Variants in COL4A1 observed in about 807,000 individuals in gnomAD.
The protein encoded by COL4A1 is collagen type IV alpha 1 chain.
A neutral mutation model predicts 216.6 loss-of-function variants in COL4A1; 40 were observed. The ratio of observed to expected loss-of-function variants is 0.18; its 90% confidence interval spans 0.14 to 0.24. The LOEUF (loss-of-function observed/expected upper bound fraction) is 0.24. COL4A1 is among the 10% of genes least tolerant of loss of function. The probability of loss-of-function intolerance (pLI) is 1.00; values close to 1 mark genes in which losing one functional copy is unlikely to be tolerated. For synonymous variants in COL4A1, 839 were observed against 810.7 expected, an observed-to-expected ratio of 1.03 and a Z score of -0.59; for missense variants, 1,628 against 2,196.8, an observed-to-expected ratio of 0.74 and a Z score of 5.18.
chr13:110,241,097 T>C (rs1169376454), intron 2 of COL4A1, among the ~76,000 whole-genome samples: 1 of 152,204 alleles, frequency 6.6e-6, no homozygotes, highest in East Asian at 1.9e-4. Flanking sequence ...CTCAAACTCC[T>C]GACTTCCAGT....
At chr13:110,234,680 T>C (rs1566399857) in intron 2 of COL4A1, among the ~76,000 whole-genome samples, 1 of 152,190 alleles carries the variant, frequency 6.6e-6, no homozygotes, top group Non-Finnish European at 1.5e-5. Context: ...CACTATCTTA[T>C]TACAGGCTCT....
Position 110,170,748 on chromosome 13 carries a change from A to C in COL4A1, c.3557-16T>G, listed in dbSNP as rs1877602833. ...CCCTTTGAACCTGAACAAGAAAAAC[A>C]GTTTGAGGTGATGGGAAACGCAGCA... On this transcript the variant is annotated splice_polypyrimidine_tract_variant and intron_variant, in intron 41 of 51. Transcript: ENST00000375820. 6.2e-7 allele frequency: 1 copy of C among 1,613,828 alleles called. No homozygotes were observed. Among genetic ancestry groups the C allele is most frequent in the South Asian group, 1.1e-5 (1 of 91,078 alleles).
intron 1 of COL4A1, among the ~76,000 whole-genome samples, chr13:110,294,469 A>C (rs1884194838): frequency 1.3e-5 from 2 of 152,052 alleles, no homozygotes; most frequent in Non-Finnish European, 2.9e-5. Flanking sequence ...GGTTTCATCC[A>C]CTCTAAACCC....
intron 19 of COL4A1, 28 bp downstream of exon 19, chr13:110,201,410 G>C (rs753172316): frequency 3.6e-6 from 5 of 1,396,050 alleles, no homozygotes; most frequent in Non-Finnish European, 4.8e-6. Context: ...GGGAGTAGGA[G>C]GAGGGGGGAA....
chr13:110,223,121 A>G (rs1447947475), intron 2 of COL4A1, among the ~76,000 whole-genome samples: 1 of 152,208 alleles, frequency 6.6e-6, no homozygotes, highest in Non-Finnish European at 1.5e-5. Flanking sequence ...TCTAATGACA[A>G]TACAGAAAAA....
rs201164280 is a variant in COL4A1 at position 110,181,252 on chromosome 13, A to G, written c.2193+40T>C. 1.0e-4 allele frequency: 163 copies of G among 1,587,348 alleles called. No homozygotes were observed. The East Asian group carries it at 3.4e-3, about 33-fold the overall frequency. On this transcript the variant is annotated intron_variant, in intron 29 of 51. Transcript: ENST00000375820. ...TTTTTCCATCCAACTAATAACAAGGATGGGGGAGAAGGGTCATGGAGGGAA... is the reference window on the plus strand; with the variant it reads ...TTTTTCCATCCAACTAATAACAAGGGTGGGGGAGAAGGGTCATGGAGGGAA...
intron 1 of COL4A1, among the ~76,000 whole-genome samples, chr13:110,261,574 G>A (rs1882830786): frequency 6.6e-6 from 1 of 152,162 alleles, no homozygotes; most frequent in African/African-American, 2.4e-5. Flanking sequence ...TAAGAAGGAA[G>A]ACACAGAAGC....
chr13:110,213,931 G>A lies in COL4A1; in HGVS notation c.229C>T (p.Gln77Ter). ...GPEGPQGPPGQKGDTGEPGLP... is the reference protein window; with the variant it reads ...GPEGPQGPPG ...AATCCCACAGCCGTGCTTACCTTTT[G>A]TCCTGGTGGTCCCTGTGGCCCCTCA... Residue 77 changes from glutamine to a stop codon, truncating the protein, a stop_gained, in exon 3 of 52, where the codon CAA (glutamine) becomes TAA (stop). Coordinates refer to ENST00000375820, the MANE Select transcript of COL4A1 (RefSeq NM_001845.6). LOFTEE classifies it high-confidence loss of function. The A allele has an allele frequency of 6.2e-7, 1 of 1,613,980 alleles. No homozygotes were observed. Among genetic ancestry groups the A allele is most frequent in the Non-Finnish European group, 8.5e-7 (1 of 1,180,006 alleles).
intron 26 of COL4A1, among the ~76,000 whole-genome samples, 187 bp downstream of exon 26, chr13:110,186,198 C>T (rs1878397060): frequency 6.6e-6 from 1 of 152,238 alleles, no homozygotes; most frequent in African/African-American, 2.4e-5. Context: ...TGGCCCATCA[C>T]ATACATGAGG....
chr13:110,215,093 A>G (rs1332170072), intron 2 of COL4A1, among the ~76,000 whole-genome samples: 2 of 152,236 alleles, frequency 1.3e-5, no homozygotes, highest in African/African-American at 4.8e-5. Flanking sequence ...TGTTAGCAAC[A>G]GCCTCAGTGC....
chr13:110,156,002 G>A (rs868057222), intron 49 of COL4A1, among the ~76,000 whole-genome samples: 2 of 152,204 alleles, frequency 1.3e-5, no homozygotes, highest in South Asian at 2.1e-4. Context: ...GTTCAAGGCT[G>A]CAGGGAGCTA....
At chr13:110,290,743 G>C (rs1208876505) in intron 1 of COL4A1, among the ~76,000 whole-genome samples, 1 of 150,888 alleles carries the variant, frequency 6.6e-6, no homozygotes, top group African/African-American at 2.5e-5. Flanking sequence ...AGAGCAAGTG[G>C]GGACTGGAAA....
In COL4A1 at chr13:110,192,911, G is replaced by T. The variant is rs1164149145; in HGVS notation, c.1384C>A (p.Gln462Lys). 1.2e-6 allele frequency: 2 copies of T among 1,613,858 alleles called. No individual in the cohort carries two copies. The highest frequency in any genetic ancestry group is 2.7e-5 in the African/African-American group (2 of 74,880). ...GFIGEIGEKG[Q>K]KGESCLICDI... ...CAGATGAGGCAACTCTCTCCTTTTT[G>T]ACCTAAAAAAGAAAACACAAAGGTG... is the stretch of plus-strand genomic sequence containing the variant. Residue 462 changes from glutamine (Q) to lysine (K), a missense_variant and splice_region_variant, in exon 23 of 52, where the codon CAA (glutamine) becomes AAA (lysine). Physicochemically the swap from Gln to Lys is moderately conservative, Grantham distance 53 (BLOSUM62 1). Around this residue, in one of 8 missense-constraint regions of COL4A1, gnomAD observed 701 missense variants for 892.5 expected, o/e 0.79. Transcript: ENST00000375820.
At chr13:110,302,923 G>A (rs56031211) in intron 1 of COL4A1, among the ~76,000 whole-genome samples, 20,397 of 152,212 alleles carry the variant, frequency 0.13, 1,661 homozygotes, top group Middle Eastern at 0.18. Context: ...ACATTTTAAT[G>A]AGGTTAATCC....
chr13:110,200,837 C>T lies in COL4A1; in HGVS notation c.1120+17G>A, dbSNP rs1879158713. 6.2e-7 allele frequency: 1 copy of T among 1,613,266 alleles called. No homozygotes were observed. On this transcript the variant is annotated intron_variant, in intron 20 of 51. Coordinates refer to ENST00000375820, the MANE Select transcript of COL4A1 (RefSeq NM_001845.6). ...GGTGTGCAAGTATGCTATAACAAATCAGTTAAGGAGTCTCACCTGGAGGTC... is the reference window on the plus strand; with the variant it reads ...GGTGTGCAAGTATGCTATAACAAATTAGTTAAGGAGTCTCACCTGGAGGTC...
chr13:110,252,613 A>ACG lies in COL4A1; in HGVS notation c.85-9880_85-9879insCG, dbSNP rs1307739280. Among the ~76,000 whole-genome samples the ACG allele has an allele frequency of 6.3e-3, 409 of 65,328 alleles. 41 individuals carry two copies. The highest frequency in any genetic ancestry group is 0.02 in the African/African-American group (395 of 19,994). The allele number at this position is 65,328 out of a possible 152,430, so 42.9% of individuals were successfully genotyped here. ...AATTATACGTATATATGTATTATAT[A>ACG]TGTATAATTGTATATATTATATATA... On this transcript the variant is annotated intron_variant, in intron 1 of 51. Coordinates refer to ENST00000375820, the MANE Select transcript of COL4A1 (RefSeq NM_001845.6).
intron 2 of COL4A1, among the ~76,000 whole-genome samples, chr13:110,228,706 AGG>A (rs1880865254): frequency 6.6e-6 from 1 of 152,252 alleles, no homozygotes; most frequent in Admixed American, 6.5e-5. Context: ...CTTATCCAAT[AGG>A]AAGCCCAAAG....
At chr13:110,179,238 C>T (rs373023023) in intron 30 of COL4A1, 33 bp downstream of exon 30, 37 of 1,613,728 alleles carry the variant, frequency 2.3e-5, no homozygotes, top group East Asian at 4.5e-5. Flanking sequence ...ATCCTGTCCT[C>T]GAAACCCTCC....
chr13:110,178,006 A>G (rs1877959675), intron 32 of COL4A1, 58 bp downstream of exon 32: 4 of 1,613,952 alleles, frequency 2.5e-6, no homozygotes, highest in Non-Finnish European at 3.4e-6. Context: ...CATAAAAAGA[A>G]TAAGGTGAGG....
Sources: allele counts gnomAD v4.1 joint callset (sites outside exome capture counted in the v4.1 genomes callset), GRCh38; gene constraint gnomAD v4.1.1; regional missense constraint gnomAD v4.1.1; transcripts MANE v1.5; gene names NCBI Gene and HGNC (gene_info 2026-07-23, HGNC 2026-07-21).